Variants in IQCK observed in about 807,000 individuals in gnomAD.
The protein encoded by IQCK is IQ motif containing K, also known as IQ domain-containing protein K.
In IQCK, 29 loss-of-function variants were observed where a neutral mutation model predicts 28.1. That is an observed-to-expected ratio of 1.03 (90% CI 0.77 to 1.41). The LOEUF is 1.41. Among genes scored for constraint, IQCK ranks in the 40% most tolerant of loss-of-function variants. The probability of loss-of-function intolerance (pLI) is 0.00; values close to 1 mark genes in which losing one functional copy is unlikely to be tolerated. For synonymous variants in IQCK, 113 were observed against 115.1 expected, an observed-to-expected ratio of 0.98 and a Z score of 0.12; for missense variants, 359 against 314.7, an observed-to-expected ratio of 1.14 and a Z score of -1.07.
intron 7 of IQCK, chr16:19,789,300 TGTTGGGAGGCGGA>T (rs1446151310): frequency 1.5e-5 from 1 of 67,836 alleles, no homozygotes; most frequent in African/African-American, 9.8e-5. Context: ...GTCTAGCTGC[TGTTGGGAGGCGGA>T]GGTGGGAGGA....
intron 1 of IQCK, among the ~76,000 whole-genome samples, chr16:19,723,844 C>A (rs1977571132): frequency 6.6e-6 from 1 of 151,984 alleles, no homozygotes; most frequent in South Asian, 2.1e-4. Context: ...CCTGTAGTCC[C>A]AGCTACTCAG....
chr16:19,754,588 A>G (rs1184862484), intron 4 of IQCK, among the ~76,000 whole-genome samples: 1 of 152,000 alleles, frequency 6.6e-6, no homozygotes, highest in Non-Finnish European at 1.5e-5. Flanking sequence ...CGACACAAAA[A>G]TTTGCTACTA....
intron 4 of IQCK, among the ~76,000 whole-genome samples, chr16:19,750,615 C>T (rs949193639): frequency 2.0e-5 from 3 of 150,910 alleles, no homozygotes; most frequent in African/African-American, 7.3e-5. Context: ...GTGTGTGCCA[C>T]CATGCCCGGC....
chr16:19,726,560 C>T (rs937219214), intron 1 of IQCK, among the ~76,000 whole-genome samples: 1 of 152,032 alleles, frequency 6.6e-6, no homozygotes, highest in South Asian at 2.1e-4. Context: ...ATGGAAACAA[C>T]CTAAATGCCC....
chr16:19,807,906 T>C (rs2055853319), intron 7 of IQCK, among the ~76,000 whole-genome samples: 1 of 152,212 alleles, frequency 6.6e-6, no homozygotes, highest in African/African-American at 2.4e-5. Context: ...ATTTTCTCCC[T>C]AAGAATATAT....
chr16:19,828,544 G>A (rs2056182981), downstream of IQCK, among the ~76,000 whole-genome samples: 1 of 151,888 alleles, frequency 6.6e-6, no homozygotes, highest in South Asian at 2.1e-4. Context: ...AACCTGATAT[G>A]TTTTCAAATG....
intron 4 of IQCK, among the ~76,000 whole-genome samples, chr16:19,747,648 C>G (rs148940252): frequency 5.9e-5 from 9 of 152,276 alleles, no homozygotes; most frequent in Admixed American, 1.3e-4. Flanking sequence ...CCCACCCCTT[C>G]ACCCTTCCGA....
rs1285541664 is a variant in IQCK, at chr16:19,793,643, G to GTTTTT, written c.690+4747_690+4751dup. Among the ~76,000 whole-genome samples, 134 of 61,814 alleles carry GTTTTT rather than the reference G, an allele frequency of 2.2e-3. 5 individuals are homozygous for GTTTTT. The highest frequency in any genetic ancestry group is 0.022 in the Middle Eastern group (1 of 46). 40.6% of individuals were successfully genotyped at this position (61,814 alleles called of 152,430 possible). The stretch of plus-strand genomic sequence containing the variant: ...CAATGCCTATCGAAATCTCAGTTGG[G>GTTTTT]TTTTTTTTTTTTTTTTTTTTTTTTT... On this transcript the variant is annotated intron_variant, in intron 7 of 7. Coordinates refer to ENST00000564186, the Ensembl canonical transcript of IQCK.
chr16:19,841,718 C>A (rs1292000905), intron 9 of IQCK, among the ~76,000 whole-genome samples: 2 of 152,116 alleles, frequency 1.3e-5, no homozygotes, highest in African/African-American at 4.8e-5. Flanking sequence ...TTCACCTGTA[C>A]AATGGAAATA....
intron 3 of IQCK, 149 bp from the exon 4 acceptor site, chr16:19,735,204 C>T: frequency 1.6e-6 from 1 of 619,638 alleles, no homozygotes; most frequent in Non-Finnish European, 2.9e-6. Flanking sequence ...GTTATACAGC[C>T]CAGCTCTGTA....
intron 6 of IQCK, among the ~76,000 whole-genome samples, chr16:19,765,091 G>A (rs1217536617): frequency 3.4e-5 from 5 of 147,332 alleles, no homozygotes; most frequent in Non-Finnish European, 6.1e-5. Flanking sequence ...GCATAGTGGC[G>A]GGCGCCTGTA....
chr16:19,764,553 A>G (rs1373783549), intron 6 of IQCK, among the ~76,000 whole-genome samples: 1 of 152,172 alleles, frequency 6.6e-6, no homozygotes, highest in Non-Finnish European at 1.5e-5. Context: ...TGACCATTCT[A>G]ATATGGGTGT....
At chr16:19,858,324 G>T (rs899559559) in exon 10 of IQCK, 9 of 442,082 alleles carry the variant, frequency 2.0e-5, no homozygotes, top group Admixed American at 4.1e-5. Flanking sequence ...GATTTAAAAG[G>T]GGGGAAAAAG....
intron 3 of IQCK, 120 bp from the exon 4 acceptor site, chr16:19,735,233 C>A: frequency 1.4e-6 from 1 of 699,648 alleles, no homozygotes; most frequent in Admixed American, 2.4e-5. Context: ...CAAAATATAA[C>A]ATCTAAGATC....
chr16:19,769,640 T>C (rs2055291338), intron 6 of IQCK, among the ~76,000 whole-genome samples: 1 of 152,210 alleles, frequency 6.6e-6, no homozygotes, highest in Non-Finnish European at 1.5e-5. Flanking sequence ...GGGTGGATTA[T>C]GGTTTTCAGT....
At chr16:19,853,907 C>T (rs1198169524) in intron 9 of IQCK, among the ~76,000 whole-genome samples, 2 of 152,218 alleles carry the variant, frequency 1.3e-5, no homozygotes, top group Non-Finnish European at 2.9e-5. Flanking sequence ...GGATTATAGG[C>T]GTGAGCCACT....
At chr16:19,778,665 AT>A (rs1484150776) in intron 6 of IQCK, among the ~76,000 whole-genome samples, 2 of 152,222 alleles carry the variant, frequency 1.3e-5, no homozygotes, top group African/African-American at 4.8e-5. Context: ...TCAAAAAAAA[AT>A]AAAAATAAAA....
At chr16:19,831,585 A>G (rs1311018524), downstream of IQCK, among the ~76,000 whole-genome samples, 1 of 152,098 alleles carries the variant, frequency 6.6e-6, no homozygotes, top group Non-Finnish European at 1.5e-5. Context: ...TGTTAAGCAC[A>G]TGCTAGTTCT....
chr16:19,845,620 T>C (rs1024774707), intron 9 of IQCK, among the ~76,000 whole-genome samples: 3 of 152,110 alleles, frequency 2.0e-5, no homozygotes, highest in Non-Finnish European at 4.4e-5. Context: ...CCCTTGTAAA[T>C]TGAGATATAG....
Sources: allele counts gnomAD v4.1 joint callset (sites outside exome capture counted in the v4.1 genomes callset), GRCh38; gene constraint gnomAD v4.1.1; transcripts MANE v1.5; gene names NCBI Gene and HGNC (gene_info 2026-07-23, HGNC 2026-07-21).